The following SV2C variants were observed in gnomAD, a reference collection of about 807,000 sequenced individuals.
SV2C encodes solute carrier family 22 member B3.
A neutral mutation model predicts 79.7 loss-of-function variants in SV2C; 49 were observed. The observed-to-expected ratio is 0.61, with a 90% CI of 0.49 to 0.78. The LOEUF is 0.78. Among genes scored for constraint, SV2C ranks in the 30% least tolerant of loss-of-function variants. SV2C has a pLI of 0.00. For synonymous variants in SV2C, 334 were observed against 333.2 expected (o/e 1.00, Z -0.03); for missense variants, 833 against 912.9 (o/e 0.91, Z 1.13).
chr5:75,862,668 C>T, the SV2C span, among the ~76,000 whole-genome samples: 8 of 152,124 alleles, frequency 5.3e-5, no homozygotes, highest in Non-Finnish European at 5.9e-5. Flanking sequence ...AGCTACTTAC[C>T]GCTGGAGAAG....
At chr5:75,898,323 A>G in the SV2C span, among the ~76,000 whole-genome samples, 12 of 152,234 alleles carry the variant, frequency 7.9e-5, no homozygotes. Context: ...CTATTGAGAT[A>G]ATCATGTGGT....
chr5:76,049,021 A>AAGAAAG, the SV2C span, among the ~76,000 whole-genome samples: 1 of 106,122 alleles, frequency 9.4e-6, no homozygotes, highest in Non-Finnish European at 2.0e-5. Flanking sequence ...GAAAGAAAGA[A>AAGAAAG]AGAAAAAGAA....
Position 76,221,571 on chromosome 5 carries a change from T to A in SV2C, c.913+11684T>A, listed in dbSNP as rs143544786. On this transcript the variant is annotated intron_variant, in intron 4 of 12. Coordinates refer to ENST00000502798, the MANE Select transcript of SV2C (RefSeq NM_014979.4). ...CAGATAAGTGCTGAGTACACACTAA[T>A]GTGTGTTAGGAGGAGAATCTGGGCC... is the stretch of plus-strand genomic sequence containing the variant. 4.6e-5 allele frequency among the ~76,000 whole-genome samples: 7 copies of A among 152,220 alleles called. No individual in the cohort carries two copies. In the East Asian group the frequency reaches 1.2e-3, roughly 25 times the overall value.
chr5:76,250,202 C>CT (rs78589382), intron 4 of SV2C, among the ~76,000 whole-genome samples: 44,041 of 151,816 alleles, frequency 0.29, 6,906 homozygotes, highest in Non-Finnish European at 0.35. Context: ...GCGCGTCCTG[C>CT]TTTTTTTAAA....
the SV2C span, among the ~76,000 whole-genome samples, chr5:75,920,097 C>T: frequency 6.0e-4 from 92 of 152,284 alleles, no homozygotes; most frequent in African/African-American, 2.1e-3. Flanking sequence ...GAATTGACTA[C>T]GTCACTTTCT....
chr5:75,920,519 G>A, the SV2C span, among the ~76,000 whole-genome samples: 24 of 152,292 alleles, frequency 1.6e-4, no homozygotes, highest in African/African-American at 5.5e-4. Flanking sequence ...CGGGGAACAG[G>A]AAGCATGTCT....
At chr5:76,137,341 C>T (rs550723523) in intron 2 of SV2C, among the ~76,000 whole-genome samples, 1 of 152,154 alleles carries the variant, frequency 6.6e-6, no homozygotes, top group African/African-American at 2.4e-5. Context: ...GAATCGGAAG[C>T]ATTTCTGGAA....
chr5:76,316,592 A>C (rs1337121665), intron 12 of SV2C, among the ~76,000 whole-genome samples: 2 of 152,096 alleles, frequency 1.3e-5, no homozygotes, highest in African/African-American at 4.8e-5. Context: ...GGAGTAGGAA[A>C]TTTATTTAGG....
At chr5:76,199,547 C>G (rs983313545) in intron 3 of SV2C, among the ~76,000 whole-genome samples, 1 of 152,202 alleles carries the variant, frequency 6.6e-6, no homozygotes, top group African/African-American at 2.4e-5. Flanking sequence ...ATATTTACTT[C>G]TTATGTTCTT....
chr5:76,353,122 T>A (rs1165495983), intron 12 of SV2C: 1 of 455,538 alleles, frequency 2.2e-6, no homozygotes, highest in Non-Finnish European at 4.4e-6. Flanking sequence ...TTAATTTTTT[T>A]TTTGTAGACG....
chr5:76,246,589 G>C (rs1467311363), intron 4 of SV2C, among the ~76,000 whole-genome samples: 1 of 151,996 alleles, frequency 6.6e-6, no homozygotes, highest in Non-Finnish European at 1.5e-5. Context: ...GGCACCTTCT[G>C]GGTCCACACA....
At chr5:75,889,907 A>T in the SV2C span, among the ~76,000 whole-genome samples, 2 of 152,130 alleles carry the variant, frequency 1.3e-5, no homozygotes, top group Non-Finnish European at 2.9e-5. Context: ...GGATTTTTGT[A>T]ACTTTTACAG....
intron 12 of SV2C, among the ~76,000 whole-genome samples, chr5:76,313,414 A>C (rs2112548034): frequency 6.6e-6 from 1 of 152,242 alleles, no homozygotes; most frequent in South Asian, 2.1e-4. Context: ...TGTCTCTGGT[A>C]GTTAGAAGTA....
chr5:76,178,588 T>G (rs1743616141), intron 2 of SV2C, among the ~76,000 whole-genome samples: 1 of 152,236 alleles, frequency 6.6e-6, no homozygotes, highest in Non-Finnish European at 1.5e-5. Flanking sequence ...CTCTTTATAC[T>G]CACTATCATT....
intron 4 of SV2C, among the ~76,000 whole-genome samples, chr5:76,255,935 A>G (rs964156932): frequency 6.6e-6 from 1 of 152,226 alleles, no homozygotes; most frequent in Non-Finnish European, 1.5e-5. Flanking sequence ...GAAAGGAAAT[A>G]CAGTGTCAGG....
chr5:76,121,943 C>G (rs1748515462), intron 1 of SV2C, among the ~76,000 whole-genome samples: 1 of 152,092 alleles, frequency 6.6e-6, no homozygotes, highest in African/African-American at 2.4e-5. Flanking sequence ...GGCATTGAAT[C>G]TATAAATTAC....
At chr5:75,902,425 T>C in the SV2C span, among the ~76,000 whole-genome samples, 5 of 152,204 alleles carry the variant, frequency 3.3e-5, no homozygotes, top group Admixed American at 6.5e-5. Flanking sequence ...AATTTCTCCA[T>C]CTATAGAACA....
the SV2C span, among the ~76,000 whole-genome samples, chr5:76,007,487 C>T: frequency 6.6e-6 from 1 of 152,072 alleles, no homozygotes; most frequent in Non-Finnish European, 1.5e-5. Flanking sequence ...GGGGCTCTGG[C>T]ATATCATGGG....
At chr5:75,929,749 T>C in the SV2C span, among the ~76,000 whole-genome samples, 4 of 152,174 alleles carry the variant, frequency 2.6e-5, no homozygotes, top group Non-Finnish European at 5.9e-5. Flanking sequence ...TCTTAATCAC[T>C]TTATAGAAAT....
Sources: gnomAD v4.1 joint callset for allele counts (sites outside exome capture counted in the v4.1 genomes callset) on GRCh38, gnomAD v4.1.1 for gene constraint, MANE v1.5 for transcripts, NCBI Gene and HGNC (gene_info 2026-07-23, HGNC 2026-07-21) for gene names.